TBC1D5: variants seen among roughly 807,000 people sequenced by gnomAD.
TBC1D5 encodes TBC1 domain family, member 5.
TBC1D5 carries 75 observed loss-of-function variants against 100.3 expected under a neutral mutation model. That is an observed-to-expected ratio of 0.75 (90% CI 0.62 to 0.91). The LOEUF is 0.91. Among genes scored for constraint, TBC1D5 ranks in the 40% least tolerant of loss-of-function variants. TBC1D5 has a pLI of 0.00. For synonymous variants in TBC1D5, 323 were observed against 325.6 expected, an observed-to-expected ratio of 0.99 and a Z score of 0.09; for missense variants, 910 against 942.4, an observed-to-expected ratio of 0.97 and a Z score of 0.45.
At chr3:17,209,356 G>A (rs1318564228) in intron 18 of TBC1D5, among the ~76,000 whole-genome samples, 1 of 152,134 alleles carries the variant, frequency 6.6e-6, no homozygotes, top group Non-Finnish European at 1.5e-5. Flanking sequence ...TCACTATGTT[G>A]CTCAGGCTGG....
intron 19 of TBC1D5, among the ~76,000 whole-genome samples, chr3:17,177,742 T>C (rs2067945027): frequency 6.6e-6 from 1 of 152,214 alleles, no homozygotes. Flanking sequence ...TAAATTTTTT[T>C]TTTTATTTTT....
At chr3:17,492,723 A>G (rs2095654623) in intron 3 of TBC1D5, among the ~76,000 whole-genome samples, 1 of 152,218 alleles carries the variant, frequency 6.6e-6, no homozygotes, top group South Asian at 2.1e-4. Context: ...GGCGTGAGCC[A>G]CCATACTCGG....
At chr3:17,438,293 T>A (rs1213944290) in intron 3 of TBC1D5, among the ~76,000 whole-genome samples, 1 of 152,186 alleles carries the variant, frequency 6.6e-6, no homozygotes, top group Admixed American at 6.5e-5. Context: ...TTCTTTAAAC[T>A]TGGAGAAATA....
chr3:17,437,865 T>C lies in TBC1D5; in HGVS notation c.98-9346A>G, dbSNP rs2094566476. Among the ~76,000 whole-genome samples the C allele has an allele frequency of 2.0e-5, 3 of 152,280 alleles. 1 individual carries two copies. In the South Asian group the frequency reaches 6.2e-4, roughly 32 times the overall value. On this transcript the variant is annotated intron_variant, in intron 3 of 21. Coordinates refer to ENST00000253692, the Ensembl canonical transcript of TBC1D5. ...TACTGTACTAAAAGTGACTATCTTA[T>C]TATAGAAGGCAATTTAATTTGCCCA... is the stretch of plus-strand genomic sequence containing the variant.
chr3:17,520,480 C>T (rs2096052343), intron 2 of TBC1D5, among the ~76,000 whole-genome samples: 1 of 151,842 alleles, frequency 6.6e-6, no homozygotes, highest in Non-Finnish European at 1.5e-5. Context: ...AGGGCAAACT[C>T]AGTAGAAGAA....
At chr3:17,528,000 G>A (rs1190302367) in intron 2 of TBC1D5, among the ~76,000 whole-genome samples, 9 of 149,342 alleles carry the variant, frequency 6.0e-5, no homozygotes, top group South Asian at 2.2e-4. Flanking sequence ...ACGTTGGATC[G>A]CCTCCCAAAT....
intron 16 of TBC1D5, among the ~76,000 whole-genome samples, chr3:17,255,137 C>A (rs561210884): frequency 4.6e-5 from 7 of 152,192 alleles, no homozygotes; most frequent in African/African-American, 1.7e-4. Flanking sequence ...TGGGGCTGTT[C>A]CAATATTTGG....
chr3:17,246,322 T>C (rs1478866649), intron 16 of TBC1D5, among the ~76,000 whole-genome samples: 4 of 152,210 alleles, frequency 2.6e-5, no homozygotes, highest in Non-Finnish European at 4.4e-5. Flanking sequence ...ATGGATTAGA[T>C]AATTCAATAA....
chr3:17,733,818 A>G (rs1480307639), intron 1 of TBC1D5, among the ~76,000 whole-genome samples: 2 of 152,194 alleles, frequency 1.3e-5, no homozygotes, highest in African/African-American at 4.8e-5. Context: ...TACCTGGAAA[A>G]TCTAAGAGAA....
At chr3:17,465,795 T>G (rs951180170) in intron 3 of TBC1D5, among the ~76,000 whole-genome samples, 3 of 152,228 alleles carry the variant, frequency 2.0e-5, no homozygotes, top group South Asian at 2.1e-4. Context: ...GTTGTCTAAC[T>G]AGTAAGAGAA....
intron 13 of TBC1D5, among the ~76,000 whole-genome samples, chr3:17,357,338 T>C (rs999624679): frequency 2.6e-5 from 4 of 152,212 alleles, no homozygotes; most frequent in Non-Finnish European, 5.9e-5. Flanking sequence ...AAAAGGATAA[T>C]TAGATAACTA....
At chr3:17,741,800 A>ATTTTTTTTTTTTT, upstream of TBC1D5, among the ~76,000 whole-genome samples, 1 of 47,956 alleles carries the variant, frequency 2.1e-5, no homozygotes, top group Non-Finnish European at 3.7e-5. Flanking sequence ...CTCCCTGCGA[A>ATTTTTTTTTTTTT]TTTTTTTTTT....
intron 3 of TBC1D5, among the ~76,000 whole-genome samples, chr3:17,444,818 AATAT>A (rs1348665541): frequency 6.6e-6 from 1 of 152,166 alleles, no homozygotes; most frequent in Admixed American, 6.5e-5. Context: ...ATTTGAATAC[AATAT>A]ATAGTTTAAT....
chr3:17,590,256 G>A (rs892929428), intron 2 of TBC1D5, among the ~76,000 whole-genome samples: 1 of 152,316 alleles, frequency 6.6e-6, no homozygotes, highest in African/African-American at 2.4e-5. Flanking sequence ...GGATAATGGT[G>A]GAAGGAACAC....
At chr3:17,670,303 T>C (rs905729262) in intron 1 of TBC1D5, among the ~76,000 whole-genome samples, 4 of 152,230 alleles carry the variant, frequency 2.6e-5, no homozygotes, top group African/African-American at 9.6e-5. Context: ...TATTAAACTC[T>C]TGACAGAAAC....
At chr3:17,451,473 G>A (rs567316441) in intron 3 of TBC1D5, among the ~76,000 whole-genome samples, 2 of 152,232 alleles carry the variant, frequency 1.3e-5, no homozygotes, top group Admixed American at 6.5e-5. Flanking sequence ...CAGTTAGAAT[G>A]GTGATCATCA....
At chr3:17,478,546 T>C (rs926840487) in intron 3 of TBC1D5, among the ~76,000 whole-genome samples, 2 of 152,214 alleles carry the variant, frequency 1.3e-5, no homozygotes, top group African/African-American at 4.8e-5. Flanking sequence ...CCTAAATATT[T>C]AGTTCTTTTA....
At chr3:17,673,235 T>C (rs953673434) in intron 1 of TBC1D5, among the ~76,000 whole-genome samples, 7 of 152,030 alleles carry the variant, frequency 4.6e-5, no homozygotes, top group African/African-American at 1.7e-4. Context: ...TAAAAATACA[T>C]GTGGTGGCAT....
chr3:17,351,658 C>G (rs1262030651), intron 13 of TBC1D5, among the ~76,000 whole-genome samples: 2 of 151,956 alleles, frequency 1.3e-5, no homozygotes, highest in Non-Finnish European at 2.9e-5. Context: ...AGCAAACCAC[C>G]ATGGCACATG....
Sources: allele counts gnomAD v4.1 joint callset (sites outside exome capture counted in the v4.1 genomes callset), GRCh38; gene constraint gnomAD v4.1.1; transcripts MANE v1.5; gene names NCBI Gene and HGNC (gene_info 2026-07-23, HGNC 2026-07-21).